The following LIMS1 variants were observed in gnomAD, a reference collection of about 807,000 sequenced individuals.
The protein encoded by LIMS1 is LIM zinc finger domain containing 1.
LIMS1 carries 18 observed loss-of-function variants against 44.1 expected under a neutral mutation model. That is an observed-to-expected ratio of 0.41 (90% CI 0.28 to 0.61). The LOEUF (loss-of-function observed/expected upper bound fraction) is 0.61, where lower values mean the gene tolerates loss of function less well. Among genes scored for constraint, LIMS1 ranks in the 20% least tolerant of loss-of-function variants. The probability of loss-of-function intolerance (pLI) is 0.32; values close to 1 mark genes in which losing one functional copy is unlikely to be tolerated. For synonymous variants in LIMS1, 93 were observed against 149.1 expected (o/e 0.62, Z 2.74); for missense variants, 201 against 422.0 (o/e 0.48, Z 4.59).
chr2:108,673,175 T>C, intron 5 of LIMS1, 146 bp downstream of exon 5: 1 of 1,256,708 alleles, frequency 8.0e-7, no homozygotes. Flanking sequence ...GTCAAGAGAA[T>C]GATATAATGA....
chr2:108,542,119 C>T lies in LIMS1; in HGVS notation c.32+7525C>T, dbSNP rs552761794. Among the ~76,000 whole-genome samples, 15 of 152,304 alleles carry T rather than the reference C, an allele frequency of 9.8e-5. No homozygotes were observed. The South Asian group carries it at 1.5e-3, about 15-fold the overall frequency. On this transcript the variant is annotated intron_variant, in intron 1 of 9. Transcript: ENST00000544547. Reference sequence around the variant, plus strand: ...GGCTAGCTCTGTTTAGTGTCTTTGACGTTGTTTGAATAAATTCACAAAACT... The same window carrying T: ...GGCTAGCTCTGTTTAGTGTCTTTGATGTTGTTTGAATAAATTCACAAAACT...
intron 1 of LIMS1, among the ~76,000 whole-genome samples, chr2:108,624,386 A>T (rs1688439433): frequency 6.6e-6 from 1 of 152,246 alleles, no homozygotes; most frequent in Non-Finnish European, 1.5e-5. Flanking sequence ...TGCCTCAGAT[A>T]GAAGGGATCT....
intron 1 of LIMS1, among the ~76,000 whole-genome samples, chr2:108,616,504 C>T (rs141742755): frequency 1.5e-4 from 23 of 152,338 alleles, no homozygotes; most frequent in Middle Eastern, 3.4e-3. Flanking sequence ...AGCCACCACA[C>T]TGGCCTCACA....
intron 1 of LIMS1, among the ~76,000 whole-genome samples, chr2:108,569,708 A>G (rs930475671): frequency 1.4e-5 from 2 of 147,852 alleles, no homozygotes; most frequent in East Asian, 2.1e-4. Context: ...GAATCCTCCT[A>G]CCTTAGCCTG....
At chr2:108,586,068 T>C (rs548540040) in intron 1 of LIMS1, among the ~76,000 whole-genome samples, 1 of 152,218 alleles carries the variant, frequency 6.6e-6, no homozygotes, top group South Asian at 2.1e-4. Context: ...GGAGGGTGCC[T>C]GTAGTCCCAG....
chr2:108,572,380 C>CTTT lies in LIMS1; in HGVS notation c.32+37804_32+37806dup, dbSNP rs780841996. Among the ~76,000 whole-genome samples, 368 of 112,722 alleles carry CTTT rather than the reference C, an allele frequency of 3.3e-3. 11 individuals carry two copies. Among genetic ancestry groups the CTTT allele is most frequent in the African/African-American group, 7.3e-3 (220 of 30,150 alleles). 74.0% of individuals were successfully genotyped at this position (112,722 alleles called of 152,430 possible). A position where few individuals can be genotyped will look rare whatever the true frequency, so the allele number is the denominator to read the frequency against. The stretch of plus-strand genomic sequence containing the variant: ...TCTCCCTTGGTCTCTGGGACTCTTG[C>CTTT]TTTTTTTTTTTTTTTTTTTTGAGGC... On this transcript the variant is annotated intron_variant, in intron 1 of 9. Transcript: ENST00000544547.
At position 108,577,815 on chromosome 2, in the gene LIMS1, A is replaced by T. The variant is rs529773435; in HGVS notation, c.32+43221A>T. 1.2e-4 allele frequency among the ~76,000 whole-genome samples: 19 copies of T among 152,226 alleles called. No individual in the cohort carries two copies. The South Asian group carries it at 3.7e-3, about 30-fold the overall frequency. On this transcript the variant is annotated intron_variant, in intron 1 of 9. Coordinates refer to ENST00000544547, the Ensembl canonical transcript of LIMS1. ...CTCAGCAGTTAAAAAATGAAAATCT[A>T]TTTTTTCTGAGAAATAAAGTCTTGC... is the stretch of plus-strand genomic sequence containing the variant.
At chr2:108,579,872 G>T (rs1468737726) in intron 1 of LIMS1, among the ~76,000 whole-genome samples, 1 of 152,202 alleles carries the variant, frequency 6.6e-6, no homozygotes, top group African/African-American at 2.4e-5. Flanking sequence ...GTGTGAATGG[G>T]AATCATCCCA....
chr2:108,673,141 A>G, intron 5 of LIMS1, 112 bp downstream of exon 5: 1 of 1,470,198 alleles, frequency 6.8e-7, no homozygotes. Context: ...TTTTTAGTCT[A>G]GAAAATTTTA....
At chr2:108,585,959 C>T (rs1271934544) in intron 1 of LIMS1, among the ~76,000 whole-genome samples, 1 of 151,880 alleles carries the variant, frequency 6.6e-6, no homozygotes, top group African/African-American at 2.4e-5. Flanking sequence ...TTTGGGAGGC[C>T]GAGGCAGGCG....
At chr2:108,554,401 T>A (rs1684854231) in intron 1 of LIMS1, among the ~76,000 whole-genome samples, 1 of 152,172 alleles carries the variant, frequency 6.6e-6, no homozygotes, top group Non-Finnish European at 1.5e-5. Flanking sequence ...CTTCTCCCCC[T>A]GTACTTGGCA....
chr2:108,570,988 T>A (rs1338076866), intron 1 of LIMS1, among the ~76,000 whole-genome samples: 1 of 152,260 alleles, frequency 6.6e-6, no homozygotes, highest in Non-Finnish European at 1.5e-5. Context: ...ACATTTCAAA[T>A]GTCTGAATCT....
At chr2:108,661,480 A>G (rs1294862845) in intron 2 of LIMS1, among the ~76,000 whole-genome samples, 2 of 152,010 alleles carry the variant, frequency 1.3e-5, no homozygotes, top group Non-Finnish European at 2.9e-5. Flanking sequence ...TGGGCAAATG[A>G]CAGTTGTGAA....
intron 1 of LIMS1, chr2:108,657,863 T>A (rs1691014485): frequency 6.6e-6 from 1 of 152,262 alleles, no homozygotes; most frequent in South Asian, 2.1e-4. Context: ...CAAAACAGGA[T>A]GACTGTTTTG....
At chr2:108,558,098 TC>T (rs1040095709) in intron 1 of LIMS1, among the ~76,000 whole-genome samples, 3 of 152,238 alleles carry the variant, frequency 2.0e-5, no homozygotes, top group African/African-American at 7.2e-5. Context: ...TTATGAGAAT[TC>T]CTGTTACAGT....
chr2:108,564,567 C>G (rs1685231066), intron 1 of LIMS1, among the ~76,000 whole-genome samples: 1 of 152,024 alleles, frequency 6.6e-6, no homozygotes, highest in Non-Finnish European at 1.5e-5. Context: ...CAGGGAGGAG[C>G]CGGTGTTGCA....
chr2:108,648,441 A>C (rs6736248), intron 1 of LIMS1, among the ~76,000 whole-genome samples: 54,748 of 152,084 alleles, frequency 0.36, 11,796 homozygotes, highest in East Asian at 0.88. Context: ...CTTTCTTCAC[A>C]GAATTGGAAA....
chr2:108,623,259 A>G (rs1202877623), intron 1 of LIMS1, among the ~76,000 whole-genome samples: 1 of 151,622 alleles, frequency 6.6e-6, no homozygotes, highest in Non-Finnish European at 1.5e-5. Flanking sequence ...TTTTTACCCT[A>G]GTTATACTAA....
chr2:108,642,611 G>T (rs540089166), intron 1 of LIMS1, among the ~76,000 whole-genome samples: 14 of 152,020 alleles, frequency 9.2e-5, no homozygotes, highest in African/African-American at 3.4e-4. Flanking sequence ...CGCCCGCCTC[G>T]GCCTCCCAAA....
Sources: allele counts gnomAD v4.1 joint callset (sites outside exome capture counted in the v4.1 genomes callset), GRCh38; gene constraint gnomAD v4.1.1; transcripts MANE v1.5; gene names NCBI Gene and HGNC (gene_info 2026-07-23, HGNC 2026-07-21).